The following RXFP1 variants were observed in gnomAD, a reference collection of about 807,000 sequenced individuals.
RXFP1 encodes relaxin receptor 1.
RXFP1 carries 73 observed loss-of-function variants against 89.8 expected under a neutral mutation model. That is an observed-to-expected ratio of 0.81 (90% confidence interval 0.67 to 0.99). The LOEUF (loss-of-function observed/expected upper bound fraction) is 0.99. Ranked by LOEUF, RXFP1 falls within the 50% of genes least tolerant of loss-of-function variation. The probability of loss-of-function intolerance (pLI) is 0.00; values close to 1 mark genes in which losing one functional copy is unlikely to be tolerated. For synonymous variants in RXFP1, 277 were observed against 305.5 expected, an observed-to-expected ratio of 0.91 and a Z score of 0.97; for missense variants, 793 against 895.5, an observed-to-expected ratio of 0.89 and a Z score of 1.46.
chr4:158,522,291 T>A (rs11725333), intron 1 of RXFP1, among the ~76,000 whole-genome samples: 118,780 of 152,112 alleles, frequency 0.78, 46,836 homozygotes, highest in East Asian at 0.98. Flanking sequence ...AATTGATATT[T>A]TAAGCAACAT....
intron 1 of RXFP1, among the ~76,000 whole-genome samples, chr4:158,534,979 T>C (rs1744962409): frequency 6.7e-6 from 1 of 148,200 alleles, no homozygotes; most frequent in African/African-American, 2.4e-5. Context: ...TAATATAAAA[T>C]TATTTATAAT....
chr4:158,618,056 AAAAC>A (rs1764934492), intron 9 of RXFP1, among the ~76,000 whole-genome samples: 5 of 152,160 alleles, frequency 3.3e-5, no homozygotes, highest in Admixed American at 2.6e-4. Context: ...CTCTCAGAAA[AAAAC>A]AAACATTCTG....
intron 14 of RXFP1, among the ~76,000 whole-genome samples, chr4:158,640,208 G>A (rs1770093273): frequency 6.6e-6 from 1 of 152,186 alleles, no homozygotes; most frequent in South Asian, 2.1e-4. Flanking sequence ...CAGGAAACAT[G>A]ATGTGAGGGG....
At chr4:158,622,261 A>G (rs970210324) in intron 9 of RXFP1, among the ~76,000 whole-genome samples, 2 of 152,148 alleles carry the variant, frequency 1.3e-5, no homozygotes, top group African/African-American at 4.8e-5. Context: ...CAGTGAGCCA[A>G]GATCACACCC....
rs142827907 is a variant in RXFP1 at position 158,652,274 on chromosome 4, TAAG to T, written c.*221_*223del. The T allele has an allele frequency of 4.4e-3, 2,005 of 453,898 alleles. 39 individuals carry two copies. The highest frequency in any genetic ancestry group is 0.036 in the African/African-American group (1,825 of 50,020). 28.1% of individuals were successfully genotyped at this position (453,898 alleles called of 1,614,324 possible). On this transcript the variant is annotated 3_prime_UTR_variant, in exon 18 of 18. Transcript: ENST00000307765. ...TTAGTAGACATTTTGCATAAGAAATTAAGAGAAATCTACTTCAGTAACATTCAT... is the reference window on the plus strand; with the variant it reads ...TTAGTAGACATTTTGCATAAGAAATTAGAAATCTACTTCAGTAACATTCAT...
chr4:158,563,369 A>G (rs1752879102), intron 1 of RXFP1, among the ~76,000 whole-genome samples: 2 of 152,198 alleles, frequency 1.3e-5, no homozygotes, highest in African/African-American at 2.4e-5. Context: ...GAGAAGGAAG[A>G]TGAGGTAAAA....
chr4:158,596,006 A>C (rs750158684), intron 3 of RXFP1, among the ~76,000 whole-genome samples: 2 of 151,858 alleles, frequency 1.3e-5, no homozygotes, highest in Non-Finnish European at 2.9e-5. Flanking sequence ...AAAAAAATTA[A>C]AACTTAGCTG....
In RXFP1 at chr4:158,603,562, T is replaced by C. The variant is rs180888530; in HGVS notation, c.393-1506T>C. 6.6e-4 allele frequency among the ~76,000 whole-genome samples: 100 copies of C among 152,234 alleles called. No homozygotes were observed. In the East Asian group the frequency reaches 0.017, roughly 27 times the overall value. ...CCCCAGGGAGACTTTTTAGACTTTT[T>C]TTTTTCTATTTGTCCCCTCCTGTGA... On this transcript the variant is annotated intron_variant, in intron 4 of 17. Transcript: ENST00000307765.
intron 14 of RXFP1, among the ~76,000 whole-genome samples, 190 bp downstream of exon 14, chr4:158,639,521 G>A (rs1769938713): frequency 6.6e-6 from 1 of 152,122 alleles, no homozygotes; most frequent in Non-Finnish European, 1.5e-5. Context: ...AGGGCCTTTG[G>A]GAGGTGACTA....
chr4:158,551,812 G>A (rs1299780114), intron 1 of RXFP1, among the ~76,000 whole-genome samples: 1 of 152,072 alleles, frequency 6.6e-6, no homozygotes, highest in Non-Finnish European at 1.5e-5. Context: ...ATGGTGGCAT[G>A]TGCCTGTAGT....
At chr4:158,568,854 A>T (rs986367015) in intron 1 of RXFP1, among the ~76,000 whole-genome samples, 54 of 152,272 alleles carry the variant, frequency 3.5e-4, no homozygotes, top group African/African-American at 1.2e-3. Flanking sequence ...AGTCACTTTT[A>T]TTTTTTCATG....
chr4:158,534,245 A>ATT lies in RXFP1; in HGVS notation c.49+12238_49+12239dup, dbSNP rs70962614. ...TCTAGATCAATGTTATGATATTCTG[A>ATT]TTTTTTTTTTTTTTTTTTTGAGACA... On this transcript the variant is annotated intron_variant, in intron 1 of 17. Coordinates refer to ENST00000307765, the MANE Select transcript of RXFP1 (RefSeq NM_021634.4). Among the ~76,000 whole-genome samples, 416 of 137,626 alleles carry ATT rather than the reference A, an allele frequency of 3.0e-3. 4 individuals carry two copies. Among genetic ancestry groups the ATT allele is most frequent in the African/African-American group, 0.011 (396 of 37,314 alleles). 90.3% of individuals were successfully genotyped at this position (137,626 alleles called of 152,430 possible). A position where few individuals can be genotyped will look rare whatever the true frequency, so the allele number is the denominator to read the frequency against.
At chr4:158,544,173 T>C (rs1747585881) in intron 1 of RXFP1, 8 of 984,386 alleles carry the variant, frequency 8.1e-6, no homozygotes, top group Non-Finnish European at 9.6e-6. Flanking sequence ...TTGGAAATCA[T>C]TGTTCCAAAT....
chr4:158,593,094 A>C (rs1455122353), intron 2 of RXFP1, among the ~76,000 whole-genome samples: 1 of 125,862 alleles, frequency 7.9e-6, no homozygotes, highest in East Asian at 1.9e-4. Flanking sequence ...CTCAAAAAAA[A>C]AAAAACAAAA....
intron 1 of RXFP1, among the ~76,000 whole-genome samples, chr4:158,542,168 G>A (rs1746977704): frequency 7.0e-6 from 1 of 142,524 alleles, no homozygotes; most frequent in Non-Finnish European, 1.5e-5. Flanking sequence ...TCGAACTCCT[G>A]ACCTCGTGAT....
chr4:158,564,007 C>T (rs1023215092), intron 1 of RXFP1, among the ~76,000 whole-genome samples: 20 of 149,842 alleles, frequency 1.3e-4, no homozygotes, highest in Admixed American at 1.1e-3. Context: ...ACTGTTATAA[C>T]ATTATAAAAG....
intron 2 of RXFP1, among the ~76,000 whole-genome samples, chr4:158,592,298 G>C (rs1759632545): frequency 6.6e-6 from 1 of 152,202 alleles, no homozygotes; most frequent in Non-Finnish European, 1.5e-5. Flanking sequence ...AATCGGCCAG[G>C]CATGGTGGCT....
intron 1 of RXFP1, among the ~76,000 whole-genome samples, chr4:158,523,159 A>C (rs899216283): frequency 1.3e-5 from 2 of 152,200 alleles, no homozygotes; most frequent in African/African-American, 4.8e-5. Flanking sequence ...GAAAACAATA[A>C]ATTGCAAACC....
intron 1 of RXFP1, among the ~76,000 whole-genome samples, chr4:158,542,189 C>T (rs1334699096): frequency 5.4e-5 from 8 of 148,784 alleles, no homozygotes; most frequent in Non-Finnish European, 8.9e-5. Context: ...TTGCCTGCCT[C>T]GGCCTCCCAA....
Sources: gnomAD v4.1 joint callset for allele counts (sites outside exome capture counted in the v4.1 genomes callset) on GRCh38, gnomAD v4.1.1 for gene constraint, MANE v1.5 for transcripts, NCBI Gene and HGNC (gene_info 2026-07-23, HGNC 2026-07-21) for gene names.